The following CSNK2A2 variants were observed in gnomAD, a reference collection of about 807,000 sequenced individuals.
The protein encoded by CSNK2A2 is casein kinase II subunit alpha'.
Under a neutral mutation model 54.0 loss-of-function variants are expected in CSNK2A2, and 8 were observed. That is an observed-to-expected ratio of 0.15 (90% CI 0.09 to 0.27). CSNK2A2 has a LOEUF of 0.27. CSNK2A2 is among the 10% of genes least tolerant of loss of function. CSNK2A2 has a pLI of 1.00. For missense variants in CSNK2A2, 242 were observed against 439.4 expected, an observed-to-expected ratio of 0.55 and a Z score of 4.02; for synonymous variants, 141 against 153.9, an observed-to-expected ratio of 0.92 and a Z score of 0.62.
chr16:58,195,674 T>G (rs567764013), intron 2 of CSNK2A2, among the ~76,000 whole-genome samples: 1 of 152,164 alleles, frequency 6.6e-6, no homozygotes, highest in East Asian at 1.9e-4. Context: ...CTATACCCTA[T>G]AAAACATTAT....
At chr16:58,173,821 T>A (rs73549200) in intron 5 of CSNK2A2, among the ~76,000 whole-genome samples, 1 of 152,296 alleles carries the variant, frequency 6.6e-6, no homozygotes, top group African/African-American at 2.4e-5. Context: ...GAAGCTAGGC[T>A]TGGCCATGTG....
intron 4 of CSNK2A2, among the ~76,000 whole-genome samples, chr16:58,177,203 G>A (rs915368592): frequency 2.6e-5 from 4 of 152,142 alleles, no homozygotes; most frequent in Non-Finnish European, 4.4e-5. Context: ...CACAGTCAAT[G>A]GAACAAAACA....
At chr16:58,189,068 T>C (rs1962263654) in intron 2 of CSNK2A2, among the ~76,000 whole-genome samples, 1 of 150,572 alleles carries the variant, frequency 6.6e-6, no homozygotes, top group South Asian at 2.1e-4. Flanking sequence ...ACAATTCTCC[T>C]GCCTCAGCCT....
chr16:58,188,708 T>TGC (rs1305588905), intron 2 of CSNK2A2, among the ~76,000 whole-genome samples: 1 of 152,178 alleles, frequency 6.6e-6, no homozygotes, highest in Non-Finnish European at 1.5e-5. Context: ...TTTTAGGAAA[T>TGC]GCATACCAAA....
At chr16:58,196,876 G>A (rs1309004823) in intron 1 of CSNK2A2, 32 bp from the exon 2 acceptor site, 15 of 1,411,812 alleles carry the variant, frequency 1.1e-5, no homozygotes, top group Middle Eastern at 3.5e-4. Context: ...ATAAATGCCA[G>A]GACTGGGGGT....
At position 58,158,086 on chromosome 16, in the gene CSNK2A2, A is replaced by T. The variant is rs1046582705; in HGVS notation, c.*285T>A. On this transcript the variant is annotated 3_prime_UTR_variant, in exon 12 of 12. Coordinates refer to ENST00000262506, the MANE Select transcript of CSNK2A2 (RefSeq NM_001896.4). ...TCGAGGGGCTCGGGGAGCAACAGTA[A>T]CCAACAACATTCTGCATACCCTTCA... 5 of 152,630 alleles carry T rather than the reference A, an allele frequency of 3.3e-5. No homozygotes were observed. Among genetic ancestry groups the T allele is most frequent in the African/African-American group, 1.2e-4 (5 of 41,450 alleles). The allele number at this position is 152,630 out of a possible 1,614,324, so 9.5% of individuals were successfully genotyped here. A position where few individuals can be genotyped will look rare whatever the true frequency, so the allele number is the denominator to read the frequency against.
At position 58,196,585 on chromosome 16, in the gene CSNK2A2, T is replaced by G. The variant is rs532390987; in HGVS notation, c.216+148A>C. ...GTGAACTATGATCTGCACTCCAGCCTGGGTGACAGAGTGAGACTCTGACTC... is the reference window on the plus strand; with the variant it reads ...GTGAACTATGATCTGCACTCCAGCCGGGGTGACAGAGTGAGACTCTGACTC... On this transcript the variant is annotated intron_variant, in intron 2 of 11. Transcript: ENST00000262506. 107 of 641,020 alleles carry G rather than the reference T, an allele frequency of 1.7e-4. No homozygotes were observed. In the East Asian group the frequency reaches 3.0e-3, roughly 18 times the overall value. 39.7% of individuals were successfully genotyped at this position (641,020 alleles called of 1,614,324 possible). A position where few individuals can be genotyped will look rare whatever the true frequency, so the allele number is the denominator to read the frequency against.
At chr16:58,167,546 G>A (rs1417313417) in intron 7 of CSNK2A2, 139 bp downstream of exon 7, 16 of 678,176 alleles carry the variant, frequency 2.4e-5, no homozygotes, top group Non-Finnish European at 3.4e-5. Context: ...AAAACTAGCT[G>A]AGAAAAAACT....
At chr16:58,190,130 A>T (rs117382243) in intron 2 of CSNK2A2, among the ~76,000 whole-genome samples, 10,083 of 152,230 alleles carry the variant, frequency 0.066, 393 homozygotes, top group South Asian at 0.18. Flanking sequence ...ATGCTAGAAG[A>T]AGTCTCCGTC....
chr16:58,167,491 A>C (rs1171254430), intron 7 of CSNK2A2, among the ~76,000 whole-genome samples, 183 bp from the exon 8 acceptor site: 12 of 152,110 alleles, frequency 7.9e-5, no homozygotes, highest in Non-Finnish European at 1.5e-5. Context: ...TCTTCATTTA[A>C]CCTTTGCAGA....
At chr16:58,172,071 C>T (rs1961761756) in intron 5 of CSNK2A2, among the ~76,000 whole-genome samples, 1 of 147,404 alleles carries the variant, frequency 6.8e-6, no homozygotes, top group Non-Finnish European at 1.5e-5. Context: ...ATCAACCTGC[C>T]TTGGCCTCCC....
intron 1 of CSNK2A2, 54 bp from the exon 2 acceptor site, chr16:58,196,898 A>G (rs574682280): frequency 9.1e-7 from 1 of 1,098,982 alleles, no homozygotes; most frequent in Admixed American, 1.7e-5. Flanking sequence ...AACCAAGCCT[A>G]TGCCCACTGT....
intron 3 of CSNK2A2, among the ~76,000 whole-genome samples, chr16:58,186,533 G>A (rs1036537468): frequency 3.9e-5 from 6 of 152,216 alleles, no homozygotes; most frequent in African/African-American, 1.4e-4. Flanking sequence ...TACAAACCCA[G>A]AAAAGGGATT....
intron 4 of CSNK2A2, among the ~76,000 whole-genome samples, chr16:58,180,877 T>G (rs940778941): frequency 1.3e-5 from 2 of 152,076 alleles, no homozygotes. Context: ...AAACAAACTT[T>G]CCTAATAAGA....
Position 58,184,328 on chromosome 16 carries a change from A to G in CSNK2A2, c.319-18T>C. ...GTCTTTGACTGTAAAAGAGAATATT[A>G]ATGCTTTTTAAGTACCCAAACAATA... On this transcript the variant is annotated intron_variant, in intron 3 of 11. Transcript: ENST00000262506. 1.3e-6 allele frequency: 2 copies of G among 1,551,520 alleles called. No homozygotes were observed. The highest frequency in any genetic ancestry group is 1.2e-5 in the South Asian group (1 of 86,898).
Position 58,187,615 on chromosome 16 carries a change from G to A in CSNK2A2, c.217-759C>T, listed in dbSNP as rs1962223172. Among the ~76,000 whole-genome samples, 8 of 152,300 alleles carry A rather than the reference G, an allele frequency of 5.3e-5. No individual in the cohort carries two copies. In the South Asian group the frequency reaches 1.7e-3, roughly 32 times the overall value. On this transcript the variant is annotated intron_variant, in intron 2 of 11. Transcript: ENST00000262506. ...AAGAGTTTGAAGAAGAATAGAAACA[G>A]TTCTGAAAAAGTAAGTCTATCATAA...
At chr16:58,179,322 G>A (rs1314588599) in intron 4 of CSNK2A2, among the ~76,000 whole-genome samples, 4 of 151,726 alleles carry the variant, frequency 2.6e-5, no homozygotes, top group Admixed American at 6.6e-5. Flanking sequence ...CAACATGGTG[G>A]AACCCTGTTT....
In CSNK2A2 at chr16:58,171,424, G is replaced by A. The variant is rs192505717; in HGVS notation, c.430-2731C>T. 2.6e-5 allele frequency among the ~76,000 whole-genome samples: 4 copies of A among 152,148 alleles called. No individual in the cohort carries two copies. In the East Asian group the frequency reaches 7.7e-4, roughly 29 times the overall value. On this transcript the variant is annotated intron_variant, in intron 5 of 11. Transcript: ENST00000262506. Reference sequence around the variant, plus strand: ...TGTAATCCCAACTACTCAGGAGGCCGAGGCGGGAGAACTGCTTGAACCCGG... The same window carrying A: ...TGTAATCCCAACTACTCAGGAGGCCAAGGCGGGAGAACTGCTTGAACCCGG...
chr16:58,167,099 C>G, intron 8 of CSNK2A2, 108 bp downstream of exon 8: 1 of 661,350 alleles, frequency 1.5e-6, no homozygotes. Context: ...AGCTCATATG[C>G]AGACACTGAG....
Sources: allele counts gnomAD v4.1 joint callset (sites outside exome capture counted in the v4.1 genomes callset), GRCh38; gene constraint gnomAD v4.1.1; transcripts MANE v1.5; gene names NCBI Gene and HGNC (gene_info 2026-07-23, HGNC 2026-07-21).